The following CDH26 variants were observed in gnomAD, a reference collection of about 807,000 sequenced individuals.
CDH26 encodes the protein cadherin 26.
CDH26 carries 83 observed loss-of-function variants against 90.3 expected under a neutral mutation model. That is an observed-to-expected ratio of 0.92 (90% CI 0.77 to 1.10). CDH26 has a LOEUF of 1.10. Among genes scored for constraint, CDH26 ranks in the 50% least tolerant of loss-of-function variants. The pLI is 0.00. For synonymous variants in CDH26, 397 were observed against 396.3 expected (o/e 1.00, Z -0.02); for missense variants, 1,013 against 1,037.6 (o/e 0.98, Z 0.33).
chr20:59,988,449 A>G (rs1480831591), intron 8 of CDH26, among the ~76,000 whole-genome samples: 1 of 152,226 alleles, frequency 6.6e-6, no homozygotes, highest in African/African-American at 2.4e-5. Flanking sequence ...ATGAATAGCA[A>G]GGCTCTGTAG....
chr20:59,964,806 T>C (rs1351491705), intron 1 of CDH26, among the ~76,000 whole-genome samples: 1 of 152,194 alleles, frequency 6.6e-6, no homozygotes, highest in East Asian at 1.9e-4. Flanking sequence ...AAAATGAATT[T>C]ACAGAGCTTT....
At chr20:60,017,355 A>G (rs1282069597), downstream of CDH26, among the ~76,000 whole-genome samples, 1 of 152,070 alleles carries the variant, frequency 6.6e-6, no homozygotes, top group Non-Finnish European at 1.5e-5. Flanking sequence ...GTATGTGTTC[A>G]GGAATTTATC....
At chr20:59,976,879 G>A (rs916760523) in intron 4 of CDH26, among the ~76,000 whole-genome samples, 2 of 152,124 alleles carry the variant, frequency 1.3e-5, no homozygotes, top group African/African-American at 2.4e-5. Context: ...AGACATTTAG[G>A]CCCCTGAGGA....
downstream of CDH26, among the ~76,000 whole-genome samples, chr20:60,015,586 A>C (rs184420065): frequency 1.4e-4 from 21 of 148,762 alleles, no homozygotes; most frequent in Admixed American, 1.4e-3. Flanking sequence ...TTAACTTTTC[A>C]CTCTGTAGTT....
At chr20:60,020,600 G>A (rs984760829) in intron 7 of CDH26, among the ~76,000 whole-genome samples, 4 of 152,204 alleles carry the variant, frequency 2.6e-5, no homozygotes, top group African/African-American at 9.7e-5. Context: ...AATGAATATG[G>A]AGCGCTGGTG....
chr20:60,011,893 G>GAGA (rs2061848324), intron 17 of CDH26, among the ~76,000 whole-genome samples: 1 of 152,176 alleles, frequency 6.6e-6, no homozygotes, highest in African/African-American at 2.4e-5. Flanking sequence ...ACTGTAGGGA[G>GAGA]TGTCACAGAG....
intron 7 of CDH26, chr20:59,986,189 T>G (rs2061456936): frequency 6.6e-6 from 1 of 152,238 alleles, no homozygotes; most frequent in Non-Finnish European, 1.5e-5. Context: ...GCAGGTAGGC[T>G]TTGGCCTCGC....
chr20:59,964,429 G>C lies in CDH26; in HGVS notation c.70-4538G>C, dbSNP rs534717390. Among the ~76,000 whole-genome samples the C allele has an allele frequency of 7.9e-5, 12 of 152,096 alleles. No homozygotes were observed. In the South Asian group the frequency reaches 2.5e-3, roughly 32 times the overall value. On this transcript the variant is annotated intron_variant, in intron 1 of 17. Transcript: ENST00000348616. ...AGCTGAGGGAACAAGCATCTAGAAAGAACCCCCCGCCCCCGACCCCAGGCC... is the reference window on the plus strand; with the variant it reads ...AGCTGAGGGAACAAGCATCTAGAAACAACCCCCCGCCCCCGACCCCAGGCC...
Position 59,970,173 on chromosome 20 carries a change from A to G in CDH26, c.218A>G (p.Lys73Arg). Residue 73 changes from lysine (K) to arginine (R), a missense_variant, in exon 3 of 18, where the codon AAA becomes AGA. Coordinates refer to ENST00000348616, the MANE Select transcript of CDH26 (RefSeq NM_177980.4). ...LEEEDPGPFP[K>R]LIGELFNNMS... ...GAGGAAGACCCGGGACCCTTTCCCAAACTCATTGGTGAGGTAAGGTGCCTA... is the reference window on the plus strand; with the variant it reads ...GAGGAAGACCCGGGACCCTTTCCCAGACTCATTGGTGAGGTAAGGTGCCTA... 1.9e-6 allele frequency: 3 copies of G among 1,613,964 alleles called. No homozygotes were observed. Among genetic ancestry groups the G allele is most frequent in the Non-Finnish European group, 8.5e-7 (1 of 1,179,932 alleles).
At chr20:60,005,052 C>T (rs1317037064) in intron 16 of CDH26, among the ~76,000 whole-genome samples, 2 of 151,798 alleles carry the variant, frequency 1.3e-5, no homozygotes, top group Non-Finnish European at 2.9e-5. Flanking sequence ...CTCCCTCCTC[C>T]TCTTCATTCT....
chr20:59,980,747 G>C (rs1252418681), intron 4 of CDH26, among the ~76,000 whole-genome samples: 1 of 152,052 alleles, frequency 6.6e-6, no homozygotes, highest in Non-Finnish European at 1.5e-5. Flanking sequence ...ATTTCTTACA[G>C]AGCAAAAGTT....
At chr20:59,968,467 A>G (rs1046300876) in intron 1 of CDH26, among the ~76,000 whole-genome samples, 3 of 152,198 alleles carry the variant, frequency 2.0e-5, no homozygotes, top group Admixed American at 6.5e-5. Flanking sequence ...TTGTTGAGAT[A>G]TAAATTATAA....
In CDH26 at chr20:59,985,066, G is replaced by T; in HGVS notation, c.774G>T (p.Thr258=). Reference sequence around the variant, plus strand: ...GTGGAGAACCGTCACTGTCATCCACGACCACCGTTCACGTGGATGTGCAAG... The same window carrying T: ...GTGGAGAACCGTCACTGTCATCCACTACCACCGTTCACGTGGATGTGCAAG... ...RDCGEPSLSS[T]TTVHVDVQEG... Residue 258 remains threonine, a synonymous_variant, in exon 7 of 18, where the codon ACG becomes ACT. Transcript: ENST00000348616. 4 of 1,613,918 alleles carry T rather than the reference G, an allele frequency of 2.5e-6. No individual in the cohort carries two copies. The highest frequency in any genetic ancestry group is 1.1e-5 in the South Asian group (1 of 90,986).
chr20:60,031,930 C>T (rs2062042495), intron 8 of CDH26, among the ~76,000 whole-genome samples: 1 of 152,212 alleles, frequency 6.6e-6, no homozygotes, highest in Non-Finnish European at 1.5e-5. Flanking sequence ...ACACAGGTGA[C>T]ACTGCATGGA....
At chr20:59,987,423 T>A in intron 7 of CDH26, 30 bp from the exon 8 acceptor site, 1 of 1,574,822 alleles carries the variant, frequency 6.3e-7, no homozygotes, top group Non-Finnish European at 8.6e-7. Flanking sequence ...TTTGTTTCCA[T>A]GACATGGACA....
rs558318461 is a variant in CDH26 at position 59,971,992 on chromosome 20, C to A, written c.262C>A (p.Leu88Ile). Reference sequence around the variant, plus strand: ...CAATAATATGTCTTATAACATGTCACTAATGTATCTAATCAGTGGACCTGG... The same window carrying A: ...CAATAATATGTCTTATAACATGTCAATAATGTATCTAATCAGTGGACCTGG... ...LFNNMSYNMS[L>I]MYLISGPGVD... is the part of the protein sequence containing the mutation. The change falls in exon 4 of 18, where the codon CTA (leucine) becomes ATA (isoleucine). Residue 88 changes from leucine (L) to isoleucine (I), a missense_variant. By Grantham distance (5) the Leu-to-Ile change is conservative. Transcript: ENST00000348616. 6.2e-7 allele frequency: 1 copy of A among 1,613,660 alleles called. No homozygotes were observed. Among genetic ancestry groups the A allele is most frequent in the East Asian group, 2.2e-5 (1 of 44,870 alleles).
chr20:59,976,323 A>G (rs192383303), intron 4 of CDH26, among the ~76,000 whole-genome samples: 2 of 152,360 alleles, frequency 1.3e-5, no homozygotes, highest in African/African-American at 4.8e-5. Flanking sequence ...GAAAATGTCC[A>G]TGACATTTCT....
In CDH26 at chr20:60,013,533, C is replaced by T. The variant is rs1168386417; in HGVS notation, c.*803C>T. 2 of 152,056 alleles carry T rather than the reference C, an allele frequency of 1.3e-5. No homozygotes were observed. Among genetic ancestry groups the T allele is most frequent in the South Asian group, 2.1e-4 (1 of 4,826 alleles). 9.4% of individuals were successfully genotyped at this position (152,056 alleles called of 1,614,324 possible). A position where few individuals can be genotyped will look rare whatever the true frequency, so the allele number is the denominator to read the frequency against. Reference sequence around the variant, plus strand: ...AAAATCTTAATAGGGGACATATGCCCTAAAAATAGTCAGTTTTCTAGTCTG... The same window carrying T: ...AAAATCTTAATAGGGGACATATGCCTTAAAAATAGTCAGTTTTCTAGTCTG... On this transcript the variant is annotated 3_prime_UTR_variant, in exon 18 of 18. Coordinates refer to ENST00000348616, the MANE Select transcript of CDH26 (RefSeq NM_177980.4).
At chr20:60,034,582 C>T (rs540359002), downstream of CDH26, among the ~76,000 whole-genome samples, 16 of 152,226 alleles carry the variant, frequency 1.1e-4, no homozygotes, top group South Asian at 2.1e-3. Flanking sequence ...AGAGGCAGCC[C>T]GGGGAGAGCC....
Sources: allele counts gnomAD v4.1 joint callset (sites outside exome capture counted in the v4.1 genomes callset), GRCh38; gene constraint gnomAD v4.1.1; transcripts MANE v1.5; gene names NCBI Gene and HGNC (gene_info 2026-07-23, HGNC 2026-07-21).